SYT1: variants seen among roughly 807,000 people sequenced by gnomAD.
The protein encoded by SYT1 is synaptotagmin 1.
In SYT1, 8 loss-of-function variants were observed where a neutral mutation model predicts 44.8. That is an observed-to-expected ratio of 0.18 (90% CI 0.10 to 0.32). The LOEUF is 0.32. Among genes scored for constraint, SYT1 ranks in the 10% least tolerant of loss-of-function variants. The pLI is 1.00. For synonymous variants in SYT1, 154 were observed against 188.8 expected, an observed-to-expected ratio of 0.82 and a Z score of 1.51; for missense variants, 286 against 509.3, an observed-to-expected ratio of 0.56 and a Z score of 4.22.
intron 2 of SYT1, among the ~76,000 whole-genome samples, chr12:79,012,630 C>A (rs921301631): frequency 1.3e-5 from 2 of 152,112 alleles, no homozygotes; most frequent in Non-Finnish European, 1.5e-5. Flanking sequence ...TATAGCTCTT[C>A]CTTTCAAAAA....
At chr12:79,079,685 G>A (rs1360788856) in intron 3 of SYT1, among the ~76,000 whole-genome samples, 1 of 151,838 alleles carries the variant, frequency 6.6e-6, no homozygotes, top group Non-Finnish European at 1.5e-5. Flanking sequence ...AAACATGCAC[G>A]TTATGTTATG....
At chr12:78,923,706 T>C (rs1877138536) in intron 1 of SYT1, among the ~76,000 whole-genome samples, 1 of 145,576 alleles carries the variant, frequency 6.9e-6, no homozygotes, top group African/African-American at 2.5e-5. Flanking sequence ...TCTCTCTCTC[T>C]CTCTGTGTGT....
intron 3 of SYT1, among the ~76,000 whole-genome samples, chr12:79,054,519 A>G (rs1356672666): frequency 6.6e-6 from 1 of 152,020 alleles, no homozygotes; most frequent in African/African-American, 2.4e-5. Context: ...TACAGTGGAC[A>G]TTCACCATAT....
intron 3 of SYT1, among the ~76,000 whole-genome samples, chr12:79,173,428 T>C (rs1032131962): frequency 4.6e-5 from 7 of 152,090 alleles, no homozygotes; most frequent in African/African-American, 7.2e-5. Context: ...CTGGGCAAGA[T>C]GGATGAAGGA....
chr12:79,298,635 G>A (rs900449437), intron 7 of SYT1, among the ~76,000 whole-genome samples: 5 of 152,160 alleles, frequency 3.3e-5, no homozygotes, highest in Admixed American at 1.3e-4. Flanking sequence ...TATTAAAAAT[G>A]TCACTAATAA....
chr12:78,876,149 A>G (rs1435204293), intron 1 of SYT1, among the ~76,000 whole-genome samples: 1 of 151,674 alleles, frequency 6.6e-6, no homozygotes, highest in Non-Finnish European at 1.5e-5. Context: ...TAATGAAACA[A>G]ATCATTTTGT....
At chr12:78,890,484 C>T (rs2137072737) in intron 1 of SYT1, among the ~76,000 whole-genome samples, 1 of 151,980 alleles carries the variant, frequency 6.6e-6, no homozygotes, top group East Asian at 2.0e-4. Flanking sequence ...CACTTGTATA[C>T]ATATGTAACA....
At chr12:79,279,806 A>T (rs569933331) in intron 4 of SYT1, among the ~76,000 whole-genome samples, 1 of 152,254 alleles carries the variant, frequency 6.6e-6, no homozygotes, top group South Asian at 2.1e-4. Flanking sequence ...TCAGGGTACA[A>T]AATCAAGGTA....
chr12:79,388,544 T>TA (rs1403057236), intron 9 of SYT1, among the ~76,000 whole-genome samples: 2 of 151,164 alleles, frequency 1.3e-5, no homozygotes, highest in Non-Finnish European at 2.9e-5. Flanking sequence ...AAAATAAAAA[T>TA]AAAAAATAAA....
chr12:78,933,604 A>G (rs1241383098), intron 1 of SYT1, among the ~76,000 whole-genome samples: 2 of 151,676 alleles, frequency 1.3e-5, no homozygotes. Flanking sequence ...TTGCTAGTAC[A>G]GTTTATTAAT....
chr12:79,009,272 T>G (rs1871276420), intron 2 of SYT1, among the ~76,000 whole-genome samples: 2 of 152,172 alleles, frequency 1.3e-5, no homozygotes, highest in Non-Finnish European at 2.9e-5. Flanking sequence ...CTTAGTGACT[T>G]CACCATTTAG....
intron 3 of SYT1, among the ~76,000 whole-genome samples, chr12:79,176,293 A>AG (rs1462475177): frequency 1.3e-5 from 2 of 151,582 alleles, no homozygotes; most frequent in African/African-American, 4.9e-5. Flanking sequence ...CTGTCTCAAA[A>AG]AAAAAAAAAA....
intron 1 of SYT1, among the ~76,000 whole-genome samples, chr12:78,946,591 G>T (rs1878668880): frequency 6.6e-6 from 1 of 151,948 alleles, no homozygotes; most frequent in African/African-American, 2.4e-5. Flanking sequence ...GGAGGCAGAG[G>T]CAGGAGAATC....
chr12:78,866,176 G>A (rs1873533833), intron 1 of SYT1, among the ~76,000 whole-genome samples: 1 of 152,148 alleles, frequency 6.6e-6, no homozygotes, highest in Non-Finnish European at 1.5e-5. Flanking sequence ...CTACATTTGT[G>A]TAGAATTTTC....
intron 3 of SYT1, among the ~76,000 whole-genome samples, chr12:79,088,944 T>C (rs1877584601): frequency 6.6e-6 from 1 of 151,890 alleles, no homozygotes; most frequent in African/African-American, 2.4e-5. Flanking sequence ...TTTCTTGAGA[T>C]GGGAGAAGAT....
chr12:79,373,468 T>C (rs751616303), intron 9 of SYT1, among the ~76,000 whole-genome samples: 1 of 152,202 alleles, frequency 6.6e-6, no homozygotes, highest in Non-Finnish European at 1.5e-5. Context: ...CTTTAAAATA[T>C]AATTACTAAT....
At chr12:78,956,206 G>A (rs1879209717) in intron 1 of SYT1, among the ~76,000 whole-genome samples, 2 of 151,998 alleles carry the variant, frequency 1.3e-5, no homozygotes, top group South Asian at 2.1e-4. Flanking sequence ...GGCAGAATGT[G>A]CATTTAATAA....
chr12:79,423,050 A>G (rs912758882), intron 9 of SYT1, among the ~76,000 whole-genome samples: 4 of 152,118 alleles, frequency 2.6e-5, no homozygotes, highest in African/African-American at 7.2e-5. Flanking sequence ...TGAAGACTAT[A>G]GTGAGGTCTT....
At chr12:79,383,984 A>G (rs961573651) in intron 9 of SYT1, among the ~76,000 whole-genome samples, 11 of 152,182 alleles carry the variant, frequency 7.2e-5, no homozygotes, top group African/African-American at 2.4e-4. Context: ...TAGAAGTATT[A>G]TTTGTGTCCT....
Sources: gnomAD v4.1 joint callset for allele counts (sites outside exome capture counted in the v4.1 genomes callset) on GRCh38, gnomAD v4.1.1 for gene constraint, MANE v1.5 for transcripts, NCBI Gene and HGNC (gene_info 2026-07-23, HGNC 2026-07-21) for gene names.